The following NBPF9 variants were observed in gnomAD, a reference collection of about 807,000 sequenced individuals.
The protein encoded by NBPF9 is NBPF family member NBPF9.
NBPF9 carries 91 observed loss-of-function variants against 97.8 expected under a neutral mutation model. The observed-to-expected ratio is 0.93, with a 90% CI of 0.79 to 1.11. The LOEUF (loss-of-function observed/expected upper bound fraction) is 1.11. Among genes scored for constraint, NBPF9 ranks in the 50% least tolerant of loss-of-function variants. The pLI, the probability that NBPF9 is intolerant of heterozygous loss-of-function variation, is 0.00. For missense variants in NBPF9, 992 were observed against 939.5 expected (o/e 1.06, Z -0.73); for synonymous variants, 334 against 359.5 (o/e 0.93, Z 0.80).
At chr1:149,073,607 CCTT>C (rs1156359637) in intron 13 of NBPF9, among the ~76,000 whole-genome samples, 158 bp downstream of exon 13, 1 of 149,664 alleles carries the variant, frequency 6.7e-6, no homozygotes, top group Non-Finnish European at 1.5e-5. Context: ...TTTTTATTAT[CCTT>C]CTTCTCTGTT....
chr1:149,076,513 T>C (rs1177874118), intron 11 of NBPF9, among the ~76,000 whole-genome samples: 1 of 149,608 alleles, frequency 6.7e-6, no homozygotes, highest in African/African-American at 2.4e-5. Context: ...TTATTTTTTT[T>C]TTTTTTTGAG....
chr1:149,083,138 C>A (rs2080672169), intron 5 of NBPF9, among the ~76,000 whole-genome samples: 1 of 150,474 alleles, frequency 6.6e-6, no homozygotes, highest in Non-Finnish European at 1.5e-5. Context: ...GGTATATATG[C>A]CACTAATTTG....
intron 21 of NBPF9, 149 bp from the exon 22 acceptor site, chr1:149,062,414 G>C: frequency 1.5e-6 from 1 of 680,442 alleles, no homozygotes; most frequent in Non-Finnish European, 2.7e-6. Context: ...CTTTAGGTTG[G>C]GATAGACCAG....
exon 7 of NBPF9, chr1:149,082,123 C>A: frequency 1.9e-6 from 3 of 1,611,902 alleles, no homozygotes; most frequent in Non-Finnish European, 2.5e-6. Context: ...GGACCAAGGG[C>A]CGGCTGATAC....
chr1:149,099,926 G>C (rs1436187048), intron 3 of NBPF9, among the ~76,000 whole-genome samples: 2 of 148,378 alleles, frequency 1.3e-5, no homozygotes, highest in African/African-American at 4.9e-5. Context: ...AGGCTGCAGA[G>C]ACCCATGATC....
At chr1:149,074,539 T>G (rs189061394) in intron 12 of NBPF9, among the ~76,000 whole-genome samples, 1 of 151,620 alleles carries the variant, frequency 6.6e-6, no homozygotes, top group Admixed American at 6.6e-5. Flanking sequence ...AAACAGCTCA[T>G]GTAATTCACT....
At chr1:149,085,667 T>G (rs1262811226) in intron 5 of NBPF9, among the ~76,000 whole-genome samples, 3 of 152,064 alleles carry the variant, frequency 2.0e-5, no homozygotes, top group Admixed American at 6.5e-5. Flanking sequence ...AAGCATGTAA[T>G]GATTCTGGCT....
intron 7 of NBPF9, among the ~76,000 whole-genome samples, chr1:149,081,491 C>A (rs1447647046): frequency 3.3e-5 from 5 of 151,438 alleles, no homozygotes; most frequent in Admixed American, 3.3e-4. Flanking sequence ...TCTTGAAGCC[C>A]CTCAGAGCAG....
chr1:149,080,774 A>ACAG (rs2080359966), intron 7 of NBPF9, among the ~76,000 whole-genome samples: 6 of 106,906 alleles, frequency 5.6e-5, no homozygotes, highest in Admixed American at 9.3e-5. Flanking sequence ...TAATTTAGAA[A>ACAG]CATCAGAATG....
At chr1:149,101,017 G>A (rs2082111871) in intron 3 of NBPF9, among the ~76,000 whole-genome samples, 1 of 151,346 alleles carries the variant, frequency 6.6e-6, no homozygotes, top group African/African-American at 2.4e-5. Flanking sequence ...CCTAGGTTAG[G>A]CATTGATTTC....
chr1:149,076,349 T>G (rs2079867288), intron 11 of NBPF9, among the ~76,000 whole-genome samples: 1 of 151,018 alleles, frequency 6.6e-6, no homozygotes, highest in Non-Finnish European at 1.5e-5. Context: ...AAGGGCCAAG[T>G]AACATGCCAG....
At position 149,055,663 on chromosome 1, in the gene NBPF9, G is replaced by C. The variant is rs587674033; in HGVS notation, c.3329C>G (p.Pro1110Arg). 7 of 1,611,838 alleles carry C rather than the reference G, an allele frequency of 4.3e-6. No individual in the cohort carries two copies. The Admixed American group carries it at 1.2e-4, about 27-fold the overall frequency. The change falls in exon 30 of 30, where the codon CCA (proline) becomes CGA (arginine). Residue 1110 changes from proline to arginine, a missense_variant. Transcript: ENST00000584027. Reference sequence around the variant, plus strand: ...CGGCTTAGTAAGGGCTGCTTATTGTGGGAATATGACTTCCATCTGGAACAC... The same window carrying C: ...CGGCTTAGTAAGGGCTGCTTATTGTCGGAATATGACTTCCATCTGGAACAC...
At position 149,059,229 on chromosome 1, in the gene NBPF9, T is replaced by A. The variant is rs1376279939; in HGVS notation, c.2586-132A>T. The A allele has an allele frequency of 9.0e-6, 4 of 443,474 alleles. 2 individuals carry two copies. The African/African-American group carries it at 1.1e-4, about 12-fold the overall frequency. The allele number at this position is 443,474 out of a possible 1,614,324, so 27.5% of individuals were successfully genotyped here. A position where few individuals can be genotyped will look rare whatever the true frequency, so the allele number is the denominator to read the frequency against. On this transcript the variant is annotated intron_variant, in intron 25 of 29. Transcript: ENST00000584027. ...ACAGATCCATTAATGAGGTAATGAA[T>A]TATTGCCTTTAGGTTGGGATAGACC...
rs2078586628 is a variant in NBPF9 at position 149,061,393 on chromosome 1, A to G, written c.2252-10T>C. On this transcript the variant is annotated splice_polypyrimidine_tract_variant and intron_variant, in intron 22 of 29. Coordinates refer to ENST00000584027, the Ensembl canonical transcript of NBPF9. ...TGGTCCTTTTTAATTCCTGCAATAC[A>G]TTCAGACAGGGACAGACAAAATAAG... The G allele has an allele frequency of 2.6e-6, 1 of 386,076 alleles. No homozygotes were observed. Among genetic ancestry groups the G allele is most frequent in the African/African-American group, 3.1e-5 (1 of 31,994 alleles). 23.9% of individuals were successfully genotyped at this position (386,076 alleles called of 1,614,324 possible).
chr1:149,062,267 T>G lies in NBPF9; in HGVS notation c.2079-2A>C, dbSNP rs587692375. The stretch of plus-strand genomic sequence containing the variant: ...TCATCCAGCAGCTCCCTGCTGAGCC[T>G]GGAAAAGTAGGAAAAAGTAAAGAAT... On this transcript the variant is annotated splice_acceptor_variant, in intron 21 of 29. Transcript: ENST00000584027. LOFTEE classifies it high-confidence loss of function. 4 of 700,554 alleles carry G rather than the reference T, an allele frequency of 5.7e-6. No homozygotes were observed. The African/African-American group carries it at 7.6e-5, about 13-fold the overall frequency. 43.4% of individuals were successfully genotyped at this position (700,554 alleles called of 1,614,324 possible).
exon 7 of NBPF9, chr1:149,082,020 C>G (rs782779193): frequency 6.2e-7 from 1 of 1,609,298 alleles, no homozygotes; most frequent in Non-Finnish European, 8.5e-7. Context: ...GAAAACATCT[C>G]TCTTTGAGGT....
chr1:149,071,407 G>A (rs1194303707), intron 15 of NBPF9, among the ~76,000 whole-genome samples, 197 bp downstream of exon 15: 4 of 148,640 alleles, frequency 2.7e-5, no homozygotes, highest in Admixed American at 6.7e-5. Flanking sequence ...ATCCTTGTAC[G>A]GTGCAGACAT....
In NBPF9 at chr1:149,061,913, A is replaced by G. The variant is rs2078619109; in HGVS notation, c.2251+180T>C. ...ACTAGGAATGGAGCCTTGCTCACTGACCCATTTCATGTCTAGGCTTCCAGC... is the reference window on the plus strand; with the variant it reads ...ACTAGGAATGGAGCCTTGCTCACTGGCCCATTTCATGTCTAGGCTTCCAGC... On this transcript the variant is annotated intron_variant, in intron 22 of 29. Coordinates refer to ENST00000584027, the Ensembl canonical transcript of NBPF9. 1.1e-5 allele frequency: 5 copies of G among 459,902 alleles called. 1 individual carries two copies. Among genetic ancestry groups the G allele is most frequent in the Non-Finnish European group, 1.9e-5 (5 of 258,990 alleles). 28.5% of individuals were successfully genotyped at this position (459,902 alleles called of 1,614,324 possible).
Position 149,082,015 on chromosome 1 carries a change from C to T in NBPF9, c.125G>A (p.Cys42Tyr), listed in dbSNP as rs782748826. 25 of 1,608,486 alleles carry T rather than the reference C, an allele frequency of 1.6e-5. No homozygotes were observed. The African/African-American group carries it at 2.7e-4, about 17-fold the overall frequency. The change falls in exon 7 of 30, where the codon TGT becomes TAT. Residue 42 changes from cysteine (C) to tyrosine (Y), a missense_variant. Cys to Tyr is a radical substitution (Grantham distance 194). Coordinates refer to ENST00000584027, the Ensembl canonical transcript of NBPF9. ...GAAGCCGGCCAGTTGAGTTAGAAAACATCTCTCTTTGAGGTTTCCGAACTG... is the reference window on the plus strand; with the variant it reads ...GAAGCCGGCCAGTTGAGTTAGAAAATATCTCTCTTTGAGGTTTCCGAACTG...
Sources: gnomAD v4.1 joint callset for allele counts (sites outside exome capture counted in the v4.1 genomes callset) on GRCh38, gnomAD v4.1.1 for gene constraint, MANE v1.5 for transcripts, NCBI Gene and HGNC (gene_info 2026-07-23, HGNC 2026-07-21) for gene names.